Variants in CTPS1 observed in about 807,000 individuals in gnomAD.
The protein encoded by CTPS1 is CTP synthase 1.
A neutral mutation model predicts 80.5 loss-of-function variants in CTPS1; 25 were observed. The observed-to-expected ratio is 0.31, with a 90% confidence interval of 0.23 to 0.43. The LOEUF (loss-of-function observed/expected upper bound fraction) is 0.43, where lower values mean the gene tolerates loss of function less well. CTPS1 is among the 20% of genes least tolerant of loss of function. CTPS1 has a pLI of 1.00. For synonymous variants in CTPS1, 267 were observed against 252.5 expected (o/e 1.06, Z -0.54); for missense variants, 442 against 725.7 (o/e 0.61, Z 4.49).
intron 16 of CTPS1, 137 bp downstream of exon 16, chr1:41,009,027 C>G (rs879053809): frequency 2.8e-6 from 2 of 723,746 alleles, no homozygotes; most frequent in Admixed American, 4.8e-5. Flanking sequence ...GGGAAGGGGT[C>G]TTGATAAACA....
intron 3 of CTPS1, among the ~76,000 whole-genome samples, chr1:40,986,133 A>G (rs1642446137): frequency 6.6e-6 from 1 of 152,258 alleles, no homozygotes; most frequent in African/African-American, 2.4e-5. Flanking sequence ...TGGGGGAGGC[A>G]AACAACAAAC....
chr1:40,991,293 A>G, intron 6 of CTPS1, 45 bp downstream of exon 6: 1 of 1,401,024 alleles, frequency 7.1e-7, no homozygotes, highest in Non-Finnish European at 9.8e-7. Flanking sequence ...TTTTATGTCT[A>G]GTTAAGATCA....
At chr1:41,000,135 G>A (rs530006943) in intron 9 of CTPS1, among the ~76,000 whole-genome samples, 2 of 152,350 alleles carry the variant, frequency 1.3e-5, no homozygotes, top group East Asian at 1.9e-4. Flanking sequence ...GAGGCAAAAC[G>A]AATCTGTGAT....
At chr1:40,993,463 C>T (rs1642668423) in intron 7 of CTPS1, among the ~76,000 whole-genome samples, 1 of 152,156 alleles carries the variant, frequency 6.6e-6, no homozygotes, top group Non-Finnish European at 1.5e-5. Context: ...GCCTCAGCCT[C>T]CTGAGTAGCT....
rs1311018462 is a variant in CTPS1 at position 40,996,937 on chromosome 1, G to C, written c.873-457G>C. 2.6e-5 allele frequency among the ~76,000 whole-genome samples: 4 copies of C among 151,612 alleles called. No homozygotes were observed. The East Asian group carries it at 7.7e-4, about 29-fold the overall frequency. On this transcript the variant is annotated intron_variant, in intron 8 of 18. Coordinates refer to ENST00000650070, the MANE Select transcript of CTPS1 (RefSeq NM_001905.4). ...TGTTATTTTTTTTGGTCTTTGGTAT[G>C]AAAAAAATTTTTTGTAGGCAAATTT...
In CTPS1 at chr1:41,002,153, T is replaced by C. The variant is rs892882622; in HGVS notation, c.1095-7T>C. Reference sequence around the variant, plus strand: ...GAATTGCCTTTGTGGTTTGTTCTTTTGTGCAGTGGAGTGCTGGTTCCAGGA... The same window carrying C: ...GAATTGCCTTTGTGGTTTGTTCTTTCGTGCAGTGGAGTGCTGGTTCCAGGA... On this transcript the variant is annotated splice_polypyrimidine_tract_variant and splice_region_variant and intron_variant, in intron 10 of 18. Transcript: ENST00000650070. 3 of 1,613,944 alleles carry C rather than the reference T, an allele frequency of 1.9e-6. No homozygotes were observed. Among genetic ancestry groups the C allele is most frequent in the African/African-American group, 1.3e-5 (1 of 75,052 alleles).
At position 40,991,196 on chromosome 1, in the gene CTPS1, C is replaced by G. The variant is rs757606681; in HGVS notation, c.587C>G (p.Pro196Arg). The G allele has an allele frequency of 6.3e-7, 1 of 1,591,072 alleles. No individual in the cohort carries two copies. The highest frequency in any genetic ancestry group is 8.5e-7 in the Non-Finnish European group (1 of 1,174,296). Residue 196 changes from proline to arginine, a missense_variant, in exon 6 of 19, where the codon CCT becomes CGT. By Grantham distance (103) the Pro-to-Arg change is moderately radical. Around this residue, in one of 4 missense-constraint regions of CTPS1, gnomAD observed 27 missense variants for 83.6 expected, o/e 0.32. Transcript: ENST00000650070. ...PSSTGEQKTK[P>R]TQNSVRELRG... Reference sequence around the variant, plus strand: ...TCAACAGGGGAACAGAAGACTAAACCTACCCAGAATAGTGTTCGGGAACTT... The same window carrying G: ...TCAACAGGGGAACAGAAGACTAAACGTACCCAGAATAGTGTTCGGGAACTT...
In CTPS1 at chr1:40,988,692, C is replaced by T. The variant is rs765222988; in HGVS notation, c.537C>T (p.His179=). ...AAAGAGAGAACTTTTGTAACATCCA[C>T]GTCAGTCTAGTTCCCCAGGTAAGTA... ...KVKRENFCNI[H]VSLVPQPSST... Residue 179 remains histidine (H), a synonymous_variant, in exon 5 of 19, where the codon CAC becomes CAT. Coordinates refer to ENST00000650070, the MANE Select transcript of CTPS1 (RefSeq NM_001905.4). 20 of 1,612,658 alleles carry T rather than the reference C, an allele frequency of 1.2e-5. No homozygotes were observed. The highest frequency in any genetic ancestry group is 1.5e-5 in the Non-Finnish European group (18 of 1,178,736).
chr1:41,005,343 C>A (rs1558165634), intron 12 of CTPS1, among the ~76,000 whole-genome samples: 2 of 152,090 alleles, frequency 1.3e-5, no homozygotes, highest in Non-Finnish European at 2.9e-5. Context: ...ACTCGGGAGG[C>A]TGAGACAGGA....
chr1:40,989,537 A>G (rs958188611), intron 5 of CTPS1, among the ~76,000 whole-genome samples: 1 of 152,112 alleles, frequency 6.6e-6, no homozygotes, highest in Non-Finnish European at 1.5e-5. Flanking sequence ...AGCCAGCCAG[A>G]TTTTCACCAT....
intron 3 of CTPS1, among the ~76,000 whole-genome samples, chr1:40,986,569 A>G (rs1642458858): frequency 6.6e-6 from 1 of 152,232 alleles, no homozygotes; most frequent in Non-Finnish European, 1.5e-5. Context: ...GATAATGAAT[A>G]TTCTTCTGCG....
At position 41,003,108 on chromosome 1, in the gene CTPS1, T is replaced by C. The variant is rs1358438254; in HGVS notation, c.1190-6T>C. Reference sequence around the variant, plus strand: ...GTTTTGTTTGTTTTTTCCCCCCGACTGGAAGGCGTGTGCTTAGGGATGCAG... The same window carrying C: ...GTTTTGTTTGTTTTTTCCCCCCGACCGGAAGGCGTGTGCTTAGGGATGCAG... On this transcript the variant is annotated splice_region_variant and splice_polypyrimidine_tract_variant and intron_variant, in intron 11 of 18. Transcript: ENST00000650070. 2 of 1,614,180 alleles carry C rather than the reference T, an allele frequency of 1.2e-6. No homozygotes were observed. Among genetic ancestry groups the C allele is most frequent in the East Asian group, 4.5e-5 (2 of 44,882 alleles).
In CTPS1 at chr1:41,006,089, C is replaced by G; in HGVS notation, c.1291C>G (p.Pro431Ala). The change falls in exon 13 of 19, where the codon CCC becomes GCC. Residue 431 changes from proline (P) to alanine (A), a missense_variant. Physicochemically the swap from Pro to Ala is conservative, Grantham distance 27 (BLOSUM62 -1). This residue lies in a region of CTPS1 where 321 missense variants were observed against 467.2 expected (regional missense o/e 0.69). Coordinates refer to ENST00000650070, the MANE Select transcript of CTPS1 (RefSeq NM_001905.4). ...AGAGTTTGACCCTACGACCAGTCAT[C>G]CCGTGGTGAGTCAAGTGTTTGAACC... ...STEFDPTTSH[P>A]VVVDMPEHNP... 6.2e-7 allele frequency: 1 copy of G among 1,613,300 alleles called. No individual in the cohort carries two copies. The highest frequency in any genetic ancestry group is 2.2e-5 in the East Asian group (1 of 44,884).
At chr1:40,981,846 G>T in intron 1 of CTPS1, 1 of 402,274 alleles carries the variant, frequency 2.5e-6, no homozygotes, top group South Asian at 2.4e-5. Flanking sequence ...TCCCTGCCAA[G>T]TGTGTTCTTT....
rs71278720 is a variant in CTPS1, at chr1:40,993,774, C to CTTTTTT, written c.720+1946_720+1951dup. On this transcript the variant is annotated intron_variant, in intron 7 of 18. Coordinates refer to ENST00000650070, the MANE Select transcript of CTPS1 (RefSeq NM_001905.4). Reference sequence around the variant, plus strand: ...GCCTTGTCTTTTCATTTTCTTCTCTCTTTTTTTTTTTTTTTTTTTTTTGAG... The same window carrying CTTTTTT: ...GCCTTGTCTTTTCATTTTCTTCTCTCTTTTTTTTTTTTTTTTTTTTTTTTTTTTGAG... 1.5e-3 allele frequency among the ~76,000 whole-genome samples: 130 copies of CTTTTTT among 85,774 alleles called. 1 individual carries two copies. The highest frequency in any genetic ancestry group is 1.9e-3 in the Non-Finnish European group (85 of 44,466). 56.3% of individuals were successfully genotyped at this position (85,774 alleles called of 152,430 possible).
chr1:40,991,868 A>G (rs1293860936), intron 7 of CTPS1, 23 bp downstream of exon 7: 2 of 1,589,150 alleles, frequency 1.3e-6, no homozygotes, highest in Admixed American at 1.7e-5. Context: ...TCCCATCTCT[A>G]ATAAGTTGTT....
At chr1:40,987,037 A>G (rs904246732) in intron 3 of CTPS1, among the ~76,000 whole-genome samples, 2 of 152,166 alleles carry the variant, frequency 1.3e-5, no homozygotes, top group Non-Finnish European at 2.9e-5. Context: ...TAATGTGCCT[A>G]CCTTCAGCTG....
At chr1:41,002,759 T>A (rs1205019015) in intron 11 of CTPS1, among the ~76,000 whole-genome samples, 1 of 151,688 alleles carries the variant, frequency 6.6e-6, no homozygotes, top group African/African-American at 2.4e-5. Flanking sequence ...GGCAGGAGGG[T>A]TGCTGGATCC....
chr1:40,996,178 A>C, intron 8 of CTPS1, 110 bp downstream of exon 8: 1 of 1,177,212 alleles, frequency 8.5e-7, no homozygotes, highest in Non-Finnish European at 1.2e-6. Context: ...TCTGCCATCC[A>C]CTCATTAGAA....
Sources: gnomAD v4.1 joint callset for allele counts (sites outside exome capture counted in the v4.1 genomes callset) on GRCh38, gnomAD v4.1.1 for gene constraint, gnomAD v4.1.1 regional missense constraint, MANE v1.5 for transcripts, NCBI Gene and HGNC (gene_info 2026-07-23, HGNC 2026-07-21) for gene names.